IL1RAPL2: variants seen among roughly 807,000 people sequenced by gnomAD.
IL1RAPL2 encodes the protein interleukin 1 receptor accessory protein like 2.
Under a neutral mutation model 44.1 loss-of-function variants are expected in IL1RAPL2, and 3 were observed. The observed-to-expected ratio is 0.07, with a 90% CI of 0.03 to 0.18. IL1RAPL2 has a LOEUF of 0.18. IL1RAPL2 is among the 10% of genes least tolerant of loss of function. IL1RAPL2 has a pLI of 1.00. For synonymous variants in IL1RAPL2, 181 were observed against 178.8 expected, an observed-to-expected ratio of 1.01 and a Z score of -0.10; for missense variants, 391 against 496.4, an observed-to-expected ratio of 0.79 and a Z score of 2.02.
At chrX:105,219,367 T>G in intron 3 of IL1RAPL2, 1 of 1,211,046 alleles carries the variant, frequency 8.3e-7, no homozygotes, top group South Asian at 1.8e-5. Flanking sequence ...TCCAGAGAAA[T>G]AAGATGTGGC....
intron 2 of IL1RAPL2, among the ~76,000 whole-genome samples, chrX:104,997,287 A>G (rs887032227): frequency 6.2e-5 from 7 of 112,157 alleles, no homozygotes; most frequent in African/African-American, 2.3e-4. Context: ...TGAAATGACA[A>G]TATTTTGGAT....
At chrX:104,582,652 C>G (rs1357802907) in intron 1 of IL1RAPL2, among the ~76,000 whole-genome samples, 1 of 56,124 alleles carries the variant, frequency 1.8e-5, no homozygotes, top group Non-Finnish European at 3.4e-5. Flanking sequence ...CTCTTTCTTT[C>G]TTTCTTTTTT....
intron 2 of IL1RAPL2, among the ~76,000 whole-genome samples, chrX:105,191,964 T>G (rs2033636759): frequency 1.8e-5 from 2 of 111,708 alleles, no homozygotes; most frequent in African/African-American, 6.5e-5. Context: ...TCAGGAGCCC[T>G]GCAAGGAGCT....
At chrX:105,409,353 A>G (rs1362862605) in intron 5 of IL1RAPL2, among the ~76,000 whole-genome samples, 1 of 111,950 alleles carries the variant, frequency 8.9e-6, no homozygotes, top group East Asian at 2.8e-4. Flanking sequence ...AAAATTATAT[A>G]CATCTAACAA....
chrX:104,907,139 A>T (rs1191389914), intron 2 of IL1RAPL2, among the ~76,000 whole-genome samples: 3 of 111,146 alleles, frequency 2.7e-5, no homozygotes, highest in Non-Finnish European at 5.7e-5. Flanking sequence ...CTGTGGGATC[A>T]GTGGTGATAT....
intron 2 of IL1RAPL2, among the ~76,000 whole-genome samples, chrX:104,919,699 T>C (rs866777721): frequency 1.2e-3 from 119 of 97,892 alleles, no homozygotes; most frequent in African/African-American, 1.7e-3. Flanking sequence ...ACCCACTTTT[T>C]TTTTTTTTTT....
chrX:104,919,913 T>C (rs955349093), intron 2 of IL1RAPL2, among the ~76,000 whole-genome samples: 4 of 110,600 alleles, frequency 3.6e-5, no homozygotes, highest in Non-Finnish European at 7.6e-5. Flanking sequence ...TTTACAAGGG[T>C]ACAATCTTGC....
At chrX:105,685,253 A>T (rs1471817739) in intron 6 of IL1RAPL2, among the ~76,000 whole-genome samples, 1 of 111,622 alleles carries the variant, frequency 9.0e-6, no homozygotes, top group African/African-American at 3.3e-5. Flanking sequence ...AATAACAAAC[A>T]TCTCCAAGTG....
chrX:105,237,157 C>G (rs945461341), intron 4 of IL1RAPL2, among the ~76,000 whole-genome samples: 2 of 111,914 alleles, frequency 1.8e-5, no homozygotes, highest in African/African-American at 3.3e-5. Context: ...TCATCCATGT[C>G]CCTACAAAAG....
At chrX:105,738,499 T>C (rs984678607) in intron 7 of IL1RAPL2, among the ~76,000 whole-genome samples, 6 of 111,141 alleles carry the variant, frequency 5.4e-5, no homozygotes, top group African/African-American at 2.0e-4. Flanking sequence ...TAACCAGGTG[T>C]CCAAAAAGAA....
intron 2 of IL1RAPL2, among the ~76,000 whole-genome samples, chrX:104,702,507 TCTGATTG>T (rs1353426350): frequency 8.9e-6 from 1 of 112,259 alleles, no homozygotes; most frequent in Non-Finnish European, 1.9e-5. Flanking sequence ...TCATGCCCAC[TCTGATTG>T]CTTCAGACTG....
chrX:105,436,531 T>C, intron 5 of IL1RAPL2, among the ~76,000 whole-genome samples: 1 of 111,675 alleles, frequency 9.0e-6, no homozygotes, highest in South Asian at 3.7e-4. Context: ...CTTTCCTCAG[T>C]TCTTTCTCTC....
intron 5 of IL1RAPL2, among the ~76,000 whole-genome samples, chrX:105,451,831 C>A (rs2036021360): frequency 9.0e-6 from 1 of 111,607 alleles, no homozygotes; most frequent in South Asian, 3.7e-4. Flanking sequence ...ATGGAAGATA[C>A]AAAGAAATTT....
intron 2 of IL1RAPL2, among the ~76,000 whole-genome samples, chrX:104,929,073 T>C (rs181573365): frequency 3.9e-3 from 433 of 111,660 alleles, no homozygotes; most frequent in Non-Finnish European, 6.2e-3. Flanking sequence ...CCAAGTTGAC[T>C]TGTATGCAAA....
chrX:105,172,644 C>T (rs1411215832), intron 2 of IL1RAPL2, among the ~76,000 whole-genome samples: 22 of 111,792 alleles, frequency 2.0e-4, no homozygotes, highest in Admixed American at 3.8e-4. Flanking sequence ...TTTCTGACTT[C>T]CCTCTCTTCT....
At chrX:105,090,521 T>A (rs1037185857) in intron 2 of IL1RAPL2, among the ~76,000 whole-genome samples, 6 of 112,025 alleles carry the variant, frequency 5.4e-5, no homozygotes, top group African/African-American at 1.9e-4. Flanking sequence ...ACAATATAAA[T>A]AATAGCACAT....
intron 1 of IL1RAPL2, among the ~76,000 whole-genome samples, chrX:104,637,796 G>C (rs987542068): frequency 9.2e-6 from 1 of 108,935 alleles, no homozygotes; most frequent in African/African-American, 3.4e-5. Flanking sequence ...GTGTGTGTGT[G>C]TGTGTCTGTG....
intron 2 of IL1RAPL2, among the ~76,000 whole-genome samples, chrX:105,008,860 A>C (rs956724985): frequency 5.4e-5 from 6 of 111,834 alleles, no homozygotes; most frequent in African/African-American, 2.0e-4. Flanking sequence ...CATCTGACAA[A>C]GGGCTAATAT....
Position 105,703,680 on chromosome X carries a change from T to TCTAA in IL1RAPL2, c.773-13684_773-13681dup, listed in dbSNP as rs771259243. Reference sequence around the variant, plus strand: ...TGAGACGATGATCTCAAAGTTCCCTTCTAACTGCATTAGAGAAAGATATGC... The same window carrying TCTAA: ...TGAGACGATGATCTCAAAGTTCCCTTCTAACTAACTGCATTAGAGAAAGATATGC... On this transcript the variant is annotated intron_variant, in intron 6 of 10. Transcript: ENST00000372582. Among the ~76,000 whole-genome samples, 61 of 111,643 alleles carry TCTAA rather than the reference T, an allele frequency of 5.5e-4. 1 individual carries two copies. Among genetic ancestry groups the TCTAA allele is most frequent in the Non-Finnish European group, 2.1e-4 (11 of 52,998 alleles).
Sources: gnomAD v4.1 joint callset for allele counts (sites outside exome capture counted in the v4.1 genomes callset) on GRCh38, gnomAD v4.1.1 for gene constraint, MANE v1.5 for transcripts, NCBI Gene and HGNC (gene_info 2026-07-23, HGNC 2026-07-21) for gene names.